ATF2: variants seen among roughly 807,000 people sequenced by gnomAD.
ATF2 encodes activating transcription factor 2, also known as cyclic AMP-dependent transcription factor ATF-2.
Under a neutral mutation model 60.6 loss-of-function variants are expected in ATF2, and 24 were observed. That is an observed-to-expected ratio of 0.40 (90% confidence interval 0.29 to 0.56). ATF2 has a LOEUF of 0.56. Among genes scored for constraint, ATF2 ranks in the 20% least tolerant of loss-of-function variants. The probability of loss-of-function intolerance (pLI) is 0.54; values close to 1 mark genes in which losing one functional copy is unlikely to be tolerated. For synonymous variants in ATF2, 206 were observed against 215.4 expected (o/e 0.96, Z 0.38); for missense variants, 433 against 607.7 (o/e 0.71, Z 3.02).
chr2:175,098,904 A>T (rs1029075550), intron 10 of ATF2, among the ~76,000 whole-genome samples: 7 of 152,216 alleles, frequency 4.6e-5, no homozygotes, highest in African/African-American at 1.7e-4. Flanking sequence ...ATATATGAAA[A>T]GATCACCGGA....
At chr2:175,147,137 A>G (rs1699015024) in intron 2 of ATF2, among the ~76,000 whole-genome samples, 1 of 152,200 alleles carries the variant, frequency 6.6e-6, no homozygotes, top group East Asian at 1.9e-4. Context: ...TCATATAATC[A>G]TTTATTCTAT....
chr2:175,166,378 C>T (rs1700350429), intron 1 of ATF2, among the ~76,000 whole-genome samples: 1 of 152,110 alleles, frequency 6.6e-6, no homozygotes, highest in Non-Finnish European at 1.5e-5. Flanking sequence ...TGGAAGATTC[C>T]TAGAAATTAT....
chr2:175,132,145 G>C (rs933952310), intron 3 of ATF2, among the ~76,000 whole-genome samples: 3 of 152,024 alleles, frequency 2.0e-5, no homozygotes, highest in Non-Finnish European at 2.9e-5. Context: ...ATTTTAAAAA[G>C]GTAAATATTT....
chr2:175,080,714 G>A lies in ATF2; in HGVS notation c.1237C>T (p.Leu413=). The A allele has an allele frequency of 6.2e-7, 1 of 1,613,288 alleles. No homozygotes were observed. The highest frequency in any genetic ancestry group is 1.3e-5 in the African/African-American group (1 of 74,988). The change falls in exon 13 of 14, where the codon CTG becomes TTG. Residue 413 remains leucine, a synonymous_variant. Transcript: ENST00000264110. ...GTTACAGGGCAATCTTTATGAGCCA[G>A]AAGAAGCTGTTTCAGCTGTGCCACT... The part of the protein sequence containing the change: ...NEVAQLKQLL[L]AHKDCPVTAM...
chr2:175,145,853 G>A (rs1698910450), intron 2 of ATF2, among the ~76,000 whole-genome samples: 1 of 152,106 alleles, frequency 6.6e-6, no homozygotes, highest in African/African-American at 2.4e-5. Flanking sequence ...GGATCACATC[G>A]TAAATAAAGA....
intron 3 of ATF2, among the ~76,000 whole-genome samples, chr2:175,135,251 G>A (rs1351066084): frequency 1.3e-5 from 2 of 152,106 alleles, no homozygotes; most frequent in East Asian, 1.9e-4. Flanking sequence ...GTTGGACCAG[G>A]CTGACAGCAT....
chr2:175,096,632 G>T (rs1694955644), intron 11 of ATF2, among the ~76,000 whole-genome samples: 1 of 152,120 alleles, frequency 6.6e-6, no homozygotes, highest in African/African-American at 2.4e-5. Context: ...ACACTTTAAT[G>T]GTTGTAGATG....
chr2:175,103,296 T>C (rs1695428770), intron 10 of ATF2, among the ~76,000 whole-genome samples: 1 of 152,200 alleles, frequency 6.6e-6, no homozygotes, highest in African/African-American at 2.4e-5. Context: ...CTATTACTTA[T>C]CTTTATTTTG....
At chr2:175,118,195 C>G (rs1472563338) in intron 6 of ATF2, 56 bp downstream of exon 6, 6 of 1,591,020 alleles carry the variant, frequency 3.8e-6, no homozygotes, top group African/African-American at 2.7e-5. Flanking sequence ...GAAGTATAAA[C>G]TATGATTACT....
intron 12 of ATF2, 47 bp downstream of exon 12, chr2:175,093,014 A>T: frequency 6.3e-7 from 1 of 1,582,274 alleles, no homozygotes; most frequent in East Asian, 2.2e-5. Context: ...CTATGTTCAC[A>T]ATTATTAAAA....
intron 12 of ATF2, among the ~76,000 whole-genome samples, chr2:175,090,658 G>A (rs562201385): frequency 6.6e-6 from 1 of 152,176 alleles, no homozygotes; most frequent in Admixed American, 6.5e-5. Flanking sequence ...TACATAATTT[G>A]AGGTATTAAC....
chr2:175,134,298 T>TGTGTATCACC (rs1184378330), intron 3 of ATF2, among the ~76,000 whole-genome samples: 1 of 152,110 alleles, frequency 6.6e-6, no homozygotes, highest in Non-Finnish European at 1.5e-5. Context: ...TTACACGATT[T>TGTGTATCACC]TATATAAGTA....
intron 1 of ATF2, among the ~76,000 whole-genome samples, chr2:175,154,891 T>C (rs1699571096): frequency 6.6e-6 from 1 of 152,154 alleles, no homozygotes; most frequent in Non-Finnish European, 1.5e-5. Flanking sequence ...AAAGTAGGCA[T>C]CAGTATGAGA....
chr2:175,156,319 C>A (rs1045882303), intron 1 of ATF2, among the ~76,000 whole-genome samples: 1 of 139,142 alleles, frequency 7.2e-6, no homozygotes, highest in Non-Finnish European at 1.5e-5. Context: ...TGCAGTGAGC[C>A]GAGATTGCAC....
At chr2:175,113,557 C>T (rs1696350860) in intron 9 of ATF2, among the ~76,000 whole-genome samples, 1 of 152,064 alleles carries the variant, frequency 6.6e-6, no homozygotes, top group Non-Finnish European at 1.5e-5. Flanking sequence ...TTTTCTAGAA[C>T]ATTTACATTT....
At chr2:175,128,569 G>A (rs919147149) in intron 4 of ATF2, among the ~76,000 whole-genome samples, 3 of 150,674 alleles carry the variant, frequency 2.0e-5, no homozygotes, top group Non-Finnish European at 3.0e-5. Context: ...CAAGATTAAA[G>A]AGAAATCTAA....
chr2:175,076,520 T>C (rs1016230181), intron 13 of ATF2, among the ~76,000 whole-genome samples: 18 of 152,146 alleles, frequency 1.2e-4, no homozygotes, highest in Non-Finnish European at 2.4e-4. Flanking sequence ...ATAGTGAACA[T>C]AGCACCCAAC....
chr2:175,088,605 C>T (rs761913540), intron 12 of ATF2, among the ~76,000 whole-genome samples: 1 of 151,686 alleles, frequency 6.6e-6, no homozygotes, highest in Non-Finnish European at 1.5e-5. Context: ...TATGTTTTGC[C>T]GTTACCTTTA....
intron 5 of ATF2, among the ~76,000 whole-genome samples, chr2:175,119,082 G>A (rs577313961): frequency 4.6e-5 from 7 of 151,640 alleles, no homozygotes; most frequent in African/African-American, 9.6e-5. Context: ...AACTTTACTC[G>A]AATATGTACT....
Sources: gnomAD v4.1 joint callset for allele counts (sites outside exome capture counted in the v4.1 genomes callset) on GRCh38, gnomAD v4.1.1 for gene constraint, MANE v1.5 for transcripts, NCBI Gene and HGNC (gene_info 2026-07-23, HGNC 2026-07-21) for gene names.